Variants in CHODL observed in about 807,000 individuals in gnomAD.
The protein encoded by CHODL is chondrolectin.
A neutral mutation model predicts 34.5 loss-of-function variants in CHODL; 29 were observed. The observed-to-expected ratio is 0.84, with a 90% CI of 0.63 to 1.15. CHODL has a LOEUF of 1.15. Ranked by LOEUF, CHODL falls within the 50% of genes most tolerant of loss-of-function variation. The probability of loss-of-function intolerance (pLI) is 0.00; values close to 1 mark genes in which losing one functional copy is unlikely to be tolerated. For missense variants in CHODL, 332 were observed against 332.5 expected (o/e 1.00, Z 0.01); for synonymous variants, 125 against 116.1 (o/e 1.08, Z -0.49).
chr21:18,108,160 T>G (rs2065297393), intron 2 of CHODL, among the ~76,000 whole-genome samples: 1 of 146,628 alleles, frequency 6.8e-6, no homozygotes, highest in South Asian at 2.2e-4. Flanking sequence ...TTTTTTTTTT[T>G]TATCATTTAC....
intron 2 of CHODL, among the ~76,000 whole-genome samples, chr21:18,136,313 A>C (rs958003883): frequency 2.0e-5 from 3 of 152,100 alleles, no homozygotes; most frequent in African/African-American, 7.2e-5. Flanking sequence ...TTTAATGGAT[A>C]CTATTTCCTT....
At chr21:18,084,920 AGTGTGTGTGTGTGTGTGTGT>A (rs376876845) in intron 2 of CHODL, among the ~76,000 whole-genome samples, 1 of 85,220 alleles carries the variant, frequency 1.2e-5, no homozygotes, top group South Asian at 3.3e-4. Context: ...GTCTAGTAAT[AGTGTGTGTGTGTGTGTGTGT>A]GTGTGTGTGT....
chr21:18,194,741 ATACT>A (rs1405076075), intron 2 of CHODL, among the ~76,000 whole-genome samples: 3 of 152,116 alleles, frequency 2.0e-5, no homozygotes, highest in African/African-American at 7.2e-5. Context: ...ATCACCTTAC[ATACT>A]TATCATTTTT....
intron 2 of CHODL, among the ~76,000 whole-genome samples, chr21:18,055,625 T>G (rs987908901): frequency 6.6e-6 from 1 of 152,022 alleles, no homozygotes; most frequent in Non-Finnish European, 1.5e-5. Flanking sequence ...CCGGCAGGGC[T>G]AAAGTGTGGA....
intron 1 of CHODL, among the ~76,000 whole-genome samples, chr21:17,958,112 C>T (rs1473566981): frequency 1.3e-5 from 2 of 152,100 alleles, no homozygotes; most frequent in African/African-American, 4.8e-5. Context: ...AATTTAGGCA[C>T]ATTTCCTGTC....
rs1466416718 is a variant in CHODL at position 18,245,081 on chromosome 21, A to AG, written c.-138dup. On this transcript the variant is annotated 5_prime_UTR_variant, in exon 1 of 6. An upstream open reading frame in the 5' UTR loses its in-frame stop. Coordinates refer to ENST00000299295, the MANE Select transcript of CHODL (RefSeq NM_024944.3). ...GGTCCCGGCCGAAGGCGATGCGCGCAGGGGGTCGGGCAGCTGGGCTCGGGC... is the reference window on the plus strand; with the variant it reads ...GGTCCCGGCCGAAGGCGATGCGCGCAGGGGGGTCGGGCAGCTGGGCTCGGGC... 37 of 631,028 alleles carry AG rather than the reference A, an allele frequency of 5.9e-5. No homozygotes were observed. Among genetic ancestry groups the AG allele is most frequent in the Non-Finnish European group, 8.6e-5 (35 of 405,698 alleles). The allele number at this position is 631,028 out of a possible 1,614,324, so 39.1% of individuals were successfully genotyped here.
At chr21:18,155,090 TAG>T (rs1388189440) in intron 2 of CHODL, among the ~76,000 whole-genome samples, 1 of 152,210 alleles carries the variant, frequency 6.6e-6, no homozygotes, top group African/African-American at 2.4e-5. Context: ...GCTTATAATA[TAG>T]GGTTAGACAG....
intron 4 of CHODL, among the ~76,000 whole-genome samples, chr21:18,261,996 C>A (rs1389200318): frequency 6.6e-6 from 1 of 150,738 alleles, no homozygotes; most frequent in Non-Finnish European, 1.5e-5. Flanking sequence ...AATTACTTAC[C>A]CAATATATTT....
At chr21:18,123,701 A>G (rs2065507890) in intron 2 of CHODL, among the ~76,000 whole-genome samples, 1 of 152,154 alleles carries the variant, frequency 6.6e-6, no homozygotes, top group South Asian at 2.1e-4. Flanking sequence ...GAGGAGCCCT[A>G]TGACCTAATA....
At chr21:18,222,714 G>C (rs765189126) in intron 2 of CHODL, among the ~76,000 whole-genome samples, 1 of 152,090 alleles carries the variant, frequency 6.6e-6, no homozygotes, top group Non-Finnish European at 1.5e-5. Context: ...GGTCTCTGTT[G>C]CTACCCTGCT....
intron 2 of CHODL, among the ~76,000 whole-genome samples, chr21:18,184,456 A>C (rs990768269): frequency 1.3e-5 from 2 of 152,244 alleles, no homozygotes; most frequent in Non-Finnish European, 2.9e-5. Flanking sequence ...TTAAATGATG[A>C]TAGGAATAAG....
intron 2 of CHODL, among the ~76,000 whole-genome samples, chr21:18,129,203 A>T (rs1362662112): frequency 6.6e-6 from 1 of 152,162 alleles, no homozygotes; most frequent in Non-Finnish European, 1.5e-5. Flanking sequence ...ACATACTCAG[A>T]ATAATTTTTA....
intron 2 of CHODL, among the ~76,000 whole-genome samples, chr21:18,136,371 C>T (rs1218985710): frequency 6.6e-6 from 1 of 151,958 alleles, no homozygotes; most frequent in Non-Finnish European, 1.5e-5. Context: ...TTGAGCACCA[C>T]GATAAAGTTG....
chr21:18,187,242 C>A (rs1344780180), intron 2 of CHODL, among the ~76,000 whole-genome samples: 1 of 152,106 alleles, frequency 6.6e-6, no homozygotes, highest in Non-Finnish European at 1.5e-5. Flanking sequence ...AGTGTTCTAG[C>A]CAGATAAGAT....
intron 1 of CHODL, among the ~76,000 whole-genome samples, chr21:18,003,227 A>G (rs980353076): frequency 1.3e-5 from 2 of 151,490 alleles, no homozygotes; most frequent in Non-Finnish European, 2.9e-5. Flanking sequence ...TAATGTTGTC[A>G]GGAGAATTGC....
intron 1 of CHODL, among the ~76,000 whole-genome samples, chr21:18,248,978 T>C (rs1326692733): frequency 5.4e-5 from 6 of 111,872 alleles, no homozygotes; most frequent in African/African-American, 2.5e-4. Flanking sequence ...TATATGTAAA[T>C]ATATATTATA....
At chr21:18,079,024 ACT>A (rs2064901921) in intron 2 of CHODL, among the ~76,000 whole-genome samples, 1 of 152,130 alleles carries the variant, frequency 6.6e-6, no homozygotes, top group Non-Finnish European at 1.5e-5. Flanking sequence ...CAGATTTCTT[ACT>A]TGCATATATT....
rs577491395 is a variant in CHODL at position 18,094,688 on chromosome 21, T to C, written c.-45+66717T>C. Among the ~76,000 whole-genome samples the C allele has an allele frequency of 1.0e-4, 15 of 146,152 alleles. No homozygotes were observed. The South Asian group carries it at 2.8e-3, about 27-fold the overall frequency. ...TGGAAACACAACATACCAAAACCTA[T>C]GGGATACAGCAAAAGCAGTACTAAG... On this transcript the variant is annotated intron_variant, in intron 2 of 6. Coordinates refer to the CHODL transcript ENST00000400127.
At chr21:18,249,101 ATAATAAT>A (rs2074202583) in intron 1 of CHODL, among the ~76,000 whole-genome samples, 2 of 126,504 alleles carry the variant, frequency 1.6e-5, no homozygotes, top group Admixed American at 9.5e-5. Flanking sequence ...ATATATATAT[ATAATAAT>A]ATATATATAA....
Sources: gnomAD v4.1 joint callset for allele counts (sites outside exome capture counted in the v4.1 genomes callset) on GRCh38, gnomAD v4.1.1 for gene constraint, MANE v1.5 for transcripts, NCBI Gene and HGNC (gene_info 2026-07-23, HGNC 2026-07-21) for gene names.